Variants in FBXL17 observed in about 807,000 individuals in gnomAD.
FBXL17 encodes F-box and leucine rich repeat protein 17, also known as F-box/LRR-repeat protein 17.
Under a neutral mutation model 66.2 loss-of-function variants are expected in FBXL17, and 22 were observed. The observed-to-expected ratio is 0.33, with a 90% CI of 0.24 to 0.47. FBXL17 has a LOEUF of 0.47. Among genes scored for constraint, FBXL17 ranks in the 20% least tolerant of loss-of-function variants. FBXL17 has a pLI of 1.00. For synonymous variants in FBXL17, 474 were observed against 400.5 expected, an observed-to-expected ratio of 1.18 and a Z score of -2.19; for missense variants, 878 against 948.2, an observed-to-expected ratio of 0.93 and a Z score of 0.97.
intron 6 of FBXL17, among the ~76,000 whole-genome samples, chr5:108,083,218 A>AACACACACACACACAC (rs756726228): frequency 0.012 from 1,695 of 144,530 alleles, 18 homozygotes; most frequent in Non-Finnish European, 0.018. Flanking sequence ...CTCACCTCAG[A>AACACACACACACACAC]ACACACACAC....
intron 7 of FBXL17, among the ~76,000 whole-genome samples, chr5:107,976,777 A>C: frequency 6.6e-6 from 1 of 152,248 alleles, no homozygotes; most frequent in East Asian, 1.9e-4. Flanking sequence ...AATAACATAT[A>C]TAACAGACTT....
rs1288002640 is a variant in FBXL17 at position 108,090,075 on chromosome 5, C to T, written c.1746-69074G>A. 7.2e-5 allele frequency among the ~76,000 whole-genome samples: 11 copies of T among 152,256 alleles called. No individual in the cohort carries two copies. In the East Asian group the frequency reaches 9.6e-4, roughly 13 times the overall value. On this transcript the variant is annotated intron_variant, in intron 6 of 8. Coordinates refer to ENST00000542267, the MANE Select transcript of FBXL17 (RefSeq NM_001163315.3). ...AACTCCCAAGCTCAAGCAATCTACC[C>T]GCCTTGGCCTCCCAAAGTGCTGCGA...
intron 6 of FBXL17, among the ~76,000 whole-genome samples, chr5:108,165,199 T>C: frequency 6.6e-6 from 1 of 152,188 alleles, no homozygotes; most frequent in Admixed American, 6.5e-5. Context: ...CTGTTAGAAA[T>C]GGTGGTATAG....
intron 7 of FBXL17, among the ~76,000 whole-genome samples, chr5:107,951,167 C>G (rs1751487634): frequency 6.6e-6 from 1 of 152,154 alleles, no homozygotes; most frequent in Admixed American, 6.5e-5. Context: ...GGCTCAGTCT[C>G]AGGGTTCGAT....
intron 6 of FBXL17, among the ~76,000 whole-genome samples, chr5:108,179,510 C>A (rs1017853083): frequency 2.6e-5 from 4 of 152,080 alleles, no homozygotes; most frequent in African/African-American, 9.7e-5. Flanking sequence ...ACAAAGGAAT[C>A]ATGAACCAAA....
At chr5:108,252,178 T>C (rs963493962) in intron 4 of FBXL17, among the ~76,000 whole-genome samples, 1 of 152,104 alleles carries the variant, frequency 6.6e-6, no homozygotes, top group Non-Finnish European at 1.5e-5. Flanking sequence ...CATAAGCACT[T>C]TGGAGAACAA....
intron 6 of FBXL17, among the ~76,000 whole-genome samples, chr5:108,157,103 C>A (rs1164352660): frequency 6.6e-6 from 1 of 150,488 alleles, no homozygotes; most frequent in Non-Finnish European, 1.5e-5. Context: ...TATGCAAATA[C>A]CTACCATCTG....
intron 6 of FBXL17, among the ~76,000 whole-genome samples, chr5:108,103,323 C>CA (rs201660807): frequency 0.01 from 1,527 of 152,340 alleles, 21 homozygotes; most frequent in African/African-American, 0.035. Flanking sequence ...TTTTAAGCTG[C>CA]AGCCATTCTG....
chr5:108,007,571 T>C (rs890678633), intron 7 of FBXL17, among the ~76,000 whole-genome samples: 2 of 152,000 alleles, frequency 1.3e-5, no homozygotes, highest in African/African-American at 4.8e-5. Flanking sequence ...CCACTGCACG[T>C]AAAAAATGTC....
intron 6 of FBXL17, among the ~76,000 whole-genome samples, chr5:108,144,986 T>C (rs917634380): frequency 6.6e-6 from 1 of 152,144 alleles, no homozygotes; most frequent in African/African-American, 2.4e-5. Context: ...TTTAAACACA[T>C]TGTTTTAGGA....
chr5:107,943,561 T>TC (rs1047788354), intron 7 of FBXL17, among the ~76,000 whole-genome samples: 1 of 149,776 alleles, frequency 6.7e-6, no homozygotes, highest in Non-Finnish European at 1.5e-5. Flanking sequence ...TTTTTTTTTT[T>TC]CACCCAATCT....
intron 7 of FBXL17, among the ~76,000 whole-genome samples, chr5:107,958,569 G>A (rs922091175): frequency 5.3e-5 from 8 of 152,134 alleles, no homozygotes; most frequent in Admixed American, 4.6e-4. Flanking sequence ...AGATGACTTA[G>A]CTGTTTAATC....
intron 8 of FBXL17, among the ~76,000 whole-genome samples, chr5:107,863,708 A>C (rs1748198027): frequency 6.6e-6 from 1 of 152,248 alleles, no homozygotes; most frequent in African/African-American, 2.4e-5. Flanking sequence ...AAACAAATAC[A>C]AACTACAAAT....
At chr5:108,335,887 T>C (rs1760357536) in intron 4 of FBXL17, among the ~76,000 whole-genome samples, 1 of 152,062 alleles carries the variant, frequency 6.6e-6, no homozygotes, top group Non-Finnish European at 1.5e-5. Flanking sequence ...CATATGGGTA[T>C]ACTAGAAAAA....
At chr5:107,908,105 C>A (rs1561525892) in intron 7 of FBXL17, among the ~76,000 whole-genome samples, 1 of 152,104 alleles carries the variant, frequency 6.6e-6, no homozygotes, top group Non-Finnish European at 1.5e-5. Context: ...CCATGGAATA[C>A]TATGCAGCCA....
intron 6 of FBXL17, among the ~76,000 whole-genome samples, chr5:108,143,966 T>A (rs757178293): frequency 6.6e-6 from 1 of 152,058 alleles, no homozygotes; most frequent in Non-Finnish European, 1.5e-5. Context: ...AAAAAACTTA[T>A]AACTGAAAAA....
At chr5:107,956,029 A>G (rs1386807724) in intron 7 of FBXL17, among the ~76,000 whole-genome samples, 1 of 152,184 alleles carries the variant, frequency 6.6e-6, no homozygotes, top group Non-Finnish European at 1.5e-5. Flanking sequence ...GGGAGGAAGA[A>G]AGTGGACACA....
chr5:108,269,501 G>C (rs1330971641), intron 4 of FBXL17, among the ~76,000 whole-genome samples: 1 of 151,942 alleles, frequency 6.6e-6, no homozygotes, highest in Non-Finnish European at 1.5e-5. Flanking sequence ...ATTGGATACA[G>C]ATGAAAAAAT....
At chr5:108,062,525 A>C (rs1425248744) in intron 6 of FBXL17, among the ~76,000 whole-genome samples, 1 of 152,160 alleles carries the variant, frequency 6.6e-6, no homozygotes, top group Non-Finnish European at 1.5e-5. Context: ...CTCTAAAGGA[A>C]GTCATAAATA....
Sources: gnomAD v4.1 joint callset for allele counts (sites outside exome capture counted in the v4.1 genomes callset) on GRCh38, gnomAD v4.1.1 for gene constraint, MANE v1.5 for transcripts, NCBI Gene and HGNC (gene_info 2026-07-23, HGNC 2026-07-21) for gene names.